The following ANO3 variants were observed in gnomAD, a reference collection of about 807,000 sequenced individuals.
The protein encoded by ANO3 is anoctamin 3, also known as anoctamin-3.
ANO3 carries 99 observed loss-of-function variants against 144.8 expected under a neutral mutation model. The observed-to-expected ratio is 0.68, with a 90% confidence interval of 0.58 to 0.81. The LOEUF (loss-of-function observed/expected upper bound fraction) is 0.81. ANO3 is among the 30% of genes least tolerant of loss of function. The pLI is 0.00. For missense variants in ANO3, 905 were observed against 1,202.2 expected (o/e 0.75, Z 3.66); for synonymous variants, 414 against 392.6 (o/e 1.05, Z -0.64).
chr11:26,654,299 T>G (rs1853618197), intron 24 of ANO3, among the ~76,000 whole-genome samples: 1 of 152,198 alleles, frequency 6.6e-6, no homozygotes, highest in Non-Finnish European at 1.5e-5. Flanking sequence ...GGTTTGGTTG[T>G]TTGTTTTTAG....
intron 14 of ANO3, among the ~76,000 whole-genome samples, chr11:26,591,333 C>G (rs536813547): frequency 6.6e-6 from 1 of 152,082 alleles, no homozygotes. Context: ...AGGAGGGGTG[C>G]CTTTGATGTC....
intron 3 of ANO3, among the ~76,000 whole-genome samples, chr11:26,448,032 G>C (rs1008730734): frequency 5.3e-5 from 8 of 152,290 alleles, no homozygotes; most frequent in South Asian, 2.1e-4. Flanking sequence ...GGGTGCAGTG[G>C]CTCATGCCTG....
chr11:26,425,076 C>G (rs1857881889), intron 1 of ANO3, among the ~76,000 whole-genome samples: 1 of 151,810 alleles, frequency 6.6e-6, no homozygotes, highest in African/African-American at 2.4e-5. Flanking sequence ...GTTCCCCTTC[C>G]TGTGTCCAAG....
At chr11:26,289,313 A>C (rs543719319) in intron 1 of ANO3, among the ~76,000 whole-genome samples, 151 of 151,922 alleles carry the variant, frequency 9.9e-4, no homozygotes, top group Non-Finnish European at 1.8e-3. Flanking sequence ...AACTGAGCAT[A>C]CTCAGTAATA....
intron 9 of ANO3, among the ~76,000 whole-genome samples, chr11:26,537,059 GTCT>G (rs1849530217): frequency 7.3e-6 from 1 of 137,546 alleles, no homozygotes; most frequent in South Asian, 2.3e-4. Context: ...TATAGAATTT[GTCT>G]TCTTTCTTGA....
At chr11:26,359,556 C>G (rs1189250604) in intron 1 of ANO3, among the ~76,000 whole-genome samples, 2 of 152,164 alleles carry the variant, frequency 1.3e-5, no homozygotes, top group Non-Finnish European at 2.9e-5. Flanking sequence ...AGAGTTCTCC[C>G]TCTATGCAGC....
intron 14 of ANO3, among the ~76,000 whole-genome samples, chr11:26,583,724 G>T (rs1014874938): frequency 6.6e-6 from 1 of 152,222 alleles, no homozygotes; most frequent in Non-Finnish European, 1.5e-5. Context: ...ATGTGTAGTG[G>T]TGTTGCAATA....
intron 1 of ANO3, among the ~76,000 whole-genome samples, chr11:26,369,019 C>T (rs716701): frequency 0.53 from 81,074 of 151,728 alleles, 22,901 homozygotes; most frequent in East Asian, 0.68. Flanking sequence ...ATTTCATTCC[C>T]CCCCAGCAGT....
At position 26,660,558 on chromosome 11, in the gene ANO3, A is replaced by G; in HGVS notation, c.*114A>G. 1.1e-6 allele frequency: 1 copy of G among 888,658 alleles called. No homozygotes were observed. The highest frequency in any genetic ancestry group is 1.7e-6 in the Non-Finnish European group (1 of 596,612). 55.0% of individuals were successfully genotyped at this position (888,658 alleles called of 1,614,324 possible). A position where few individuals can be genotyped will look rare whatever the true frequency, so the allele number is the denominator to read the frequency against. On this transcript the variant is annotated 3_prime_UTR_variant, in exon 27 of 27. Transcript: ENST00000256737. ...ATACTTGGCAAACCACATGTATAAT[A>G]TGCTACTTGGAAATGTATCACAGCC...
intron 2 of ANO3, among the ~76,000 whole-genome samples, chr11:26,442,916 C>T (rs1221118466): frequency 6.6e-6 from 1 of 152,088 alleles, no homozygotes; most frequent in East Asian, 1.9e-4. Flanking sequence ...CAGGCACACA[C>T]CACCATGCCT....
chr11:26,557,402 A>G (rs1031432108), intron 13 of ANO3, among the ~76,000 whole-genome samples: 2 of 149,754 alleles, frequency 1.3e-5, no homozygotes, highest in African/African-American at 4.9e-5. Context: ...CAGAGCTTAC[A>G]GTGAGCCGAG....
intron 1 of ANO3, among the ~76,000 whole-genome samples, chr11:26,359,631 T>C (rs1590290271): frequency 6.6e-6 from 1 of 152,144 alleles, no homozygotes; most frequent in Non-Finnish European, 1.5e-5. Context: ...GAGTCTCTTC[T>C]CTGTCTCCTC....
chr11:26,265,530 A>G (rs1039621394), intron 1 of ANO3, among the ~76,000 whole-genome samples: 8 of 152,218 alleles, frequency 5.3e-5, no homozygotes, highest in African/African-American at 4.8e-5. Flanking sequence ...AATAAAAACA[A>G]TAAGACACAG....
chr11:26,467,051 C>T (rs1859625651), intron 4 of ANO3, among the ~76,000 whole-genome samples: 1 of 151,764 alleles, frequency 6.6e-6, no homozygotes, highest in African/African-American at 2.4e-5. Flanking sequence ...TACAAAAGTG[C>T]CTTCCTTGTG....
chr11:26,537,506 G>T (rs369573055), intron 10 of ANO3, 45 bp downstream of exon 10: 2 of 1,475,080 alleles, frequency 1.4e-6, no homozygotes, highest in Admixed American at 1.7e-5. Context: ...AGGTTTTCAT[G>T]CTCAATGCTT....
At chr11:26,191,235 G>A (rs577831679) in intron 1 of ANO3, among the ~76,000 whole-genome samples, 45 of 151,646 alleles carry the variant, frequency 3.0e-4, no homozygotes, top group Admixed American at 1.2e-3. Context: ...CTGAGATTGC[G>A]CCATTGCACG....
intron 4 of ANO3, among the ~76,000 whole-genome samples, chr11:26,463,807 G>C (rs946880159): frequency 4.6e-5 from 7 of 151,758 alleles, no homozygotes; most frequent in African/African-American, 1.7e-4. Context: ...AGACAAAATG[G>C]ATGCTGCTTC....
intron 14 of ANO3, among the ~76,000 whole-genome samples, chr11:26,581,243 C>T (rs1371751950): frequency 6.6e-6 from 1 of 150,960 alleles, no homozygotes; most frequent in Admixed American, 6.6e-5. Flanking sequence ...CTAGCACAAA[C>T]TCAAGGACAT....
chr11:26,263,396 G>T (rs916809210), intron 1 of ANO3, among the ~76,000 whole-genome samples: 4 of 152,192 alleles, frequency 2.6e-5, no homozygotes, highest in African/African-American at 4.8e-5. Context: ...TACCTGACAA[G>T]ACTGTCATAC....
Sources: gnomAD v4.1 joint callset for allele counts (sites outside exome capture counted in the v4.1 genomes callset) on GRCh38, gnomAD v4.1.1 for gene constraint, MANE v1.5 for transcripts, NCBI Gene and HGNC (gene_info 2026-07-23, HGNC 2026-07-21) for gene names.